Variants in CLVS1 observed in about 807,000 individuals in gnomAD.
CLVS1 encodes the protein clavesin 1.
In CLVS1, 10 loss-of-function variants were observed where a neutral mutation model predicts 33.1. That is an observed-to-expected ratio of 0.30 (90% CI 0.19 to 0.51). The LOEUF (loss-of-function observed/expected upper bound fraction) is 0.51. Ranked by LOEUF, CLVS1 falls within the 20% of genes least tolerant of loss-of-function variation. The probability of loss-of-function intolerance (pLI) is 0.97; values close to 1 mark genes in which losing one functional copy is unlikely to be tolerated. For missense variants in CLVS1, 343 were observed against 433.4 expected (o/e 0.79, Z 1.85); for synonymous variants, 163 against 166.1 (o/e 0.98, Z 0.14).
At chr8:61,163,863 C>T (rs1266402428) in intron 2 of CLVS1, among the ~76,000 whole-genome samples, 2 of 152,164 alleles carry the variant, frequency 1.3e-5, no homozygotes, top group East Asian at 1.9e-4. Context: ...AAGTCAATGG[C>T]GTGTCTGCCA....
rs1406308931 is a variant in CLVS1, at chr8:61,441,779, A to T, written c.631-12362A>T. 2.0e-5 allele frequency among the ~76,000 whole-genome samples: 3 copies of T among 152,176 alleles called. No individual in the cohort carries two copies. The South Asian group carries it at 6.2e-4, about 32-fold the overall frequency. The stretch of plus-strand genomic sequence containing the variant: ...AACAAGGCAGTTGAGTGATGCTTGT[A>T]TAGTGCCAGTGTGAAAATGAAGTAC... On this transcript the variant is annotated intron_variant, in intron 3 of 5. Coordinates refer to ENST00000325897, the MANE Select transcript of CLVS1 (RefSeq NM_173519.3).
At chr8:61,098,402 G>GATAT (rs59671943) in intron 1 of CLVS1, among the ~76,000 whole-genome samples, 3,935 of 143,888 alleles carry the variant, frequency 0.027, 84 homozygotes, top group East Asian at 0.06. Flanking sequence ...TAGGGAAACT[G>GATAT]ATATATATAT....
chr8:61,346,453 G>A (rs1812222681), intron 2 of CLVS1, among the ~76,000 whole-genome samples: 2 of 151,928 alleles, frequency 1.3e-5, no homozygotes, highest in Non-Finnish European at 2.9e-5. Context: ...AGTCTTCTGG[G>A]GACCCTTAAA....
At chr8:61,283,540 T>G (rs974650706), upstream of CLVS1, among the ~76,000 whole-genome samples, 1 of 152,208 alleles carries the variant, frequency 6.6e-6, no homozygotes, top group African/African-American at 2.4e-5. Flanking sequence ...ATGAGTAGAA[T>G]GATGTACACC....
intron 5 of CLVS1, chr8:61,465,356 T>C (rs924186845): frequency 1.3e-5 from 2 of 152,168 alleles, no homozygotes; most frequent in African/African-American, 4.8e-5. Context: ...TCCAAAGCAC[T>C]CTCGACCCAT....
At chr8:61,422,916 A>G (rs1369619205) in intron 3 of CLVS1, among the ~76,000 whole-genome samples, 1 of 152,126 alleles carries the variant, frequency 6.6e-6, no homozygotes, top group Non-Finnish European at 1.5e-5. Context: ...AAAAGAAAAG[A>G]GATAAGCCCC....
At chr8:61,462,607 A>G (rs1418487426) in intron 5 of CLVS1, among the ~76,000 whole-genome samples, 1 of 152,228 alleles carries the variant, frequency 6.6e-6, no homozygotes, top group Non-Finnish European at 1.5e-5. Context: ...CTCCTTGTAC[A>G]TATCCACCAG....
In CLVS1 at chr8:61,123,553, A is replaced by T. The variant is rs183758858; in HGVS notation, c.-242-8217A>T. Among the ~76,000 whole-genome samples, 379 of 152,244 alleles carry T rather than the reference A, an allele frequency of 2.5e-3. 2 individuals carry two copies. The highest frequency in any genetic ancestry group is 0.023 in the South Asian group (109 of 4,820). On this transcript the variant is annotated intron_variant, in intron 1 of 2. Transcript: ENST00000522621. Reference sequence around the variant, plus strand: ...TTTTGGAGAAAATTTTAAAATCCTAATTTTTTCCCCAAGGTTTCAAAATAA... The same window carrying T: ...TTTTGGAGAAAATTTTAAAATCCTATTTTTTTCCCCAAGGTTTCAAAATAA...
At chr8:61,123,703 A>G (rs1805919662) in intron 1 of CLVS1, among the ~76,000 whole-genome samples, 1 of 152,170 alleles carries the variant, frequency 6.6e-6, no homozygotes. Context: ...TGTACATTTC[A>G]GGTCAGTCGG....
At chr8:61,456,643 G>T (rs965814114) in intron 4 of CLVS1, among the ~76,000 whole-genome samples, 1 of 152,066 alleles carries the variant, frequency 6.6e-6, no homozygotes, top group African/African-American at 2.4e-5. Context: ...TAGGCTGGGC[G>T]CGGTGGCTCA....
At chr8:61,074,417 ATGTG>A (rs1216260773) in intron 1 of CLVS1, among the ~76,000 whole-genome samples, 1 of 140,986 alleles carries the variant, frequency 7.1e-6, no homozygotes, top group African/African-American at 2.8e-5. Flanking sequence ...ATATAAGTAT[ATGTG>A]TATATATATA....
intron 1 of CLVS1, among the ~76,000 whole-genome samples, chr8:61,107,623 G>C (rs1170653687): frequency 6.6e-6 from 1 of 152,204 alleles, no homozygotes; most frequent in Non-Finnish European, 1.5e-5. Flanking sequence ...AATTTTGGGA[G>C]GACAAACATT....
At chr8:61,065,778 C>T (rs1004759645) in intron 1 of CLVS1, among the ~76,000 whole-genome samples, 7 of 152,238 alleles carry the variant, frequency 4.6e-5, no homozygotes, top group African/African-American at 1.7e-4. Flanking sequence ...ATAAGGCAGT[C>T]TAGTTAGATT....
At chr8:61,028,344 A>G in the CLVS1 span, among the ~76,000 whole-genome samples, 5 of 152,374 alleles carry the variant, frequency 3.3e-5, no homozygotes, top group East Asian at 5.8e-4. Context: ...CACTTTAAAG[A>G]TAGATTAATT....
chr8:61,460,898 C>A (rs1287152232), intron 5 of CLVS1, among the ~76,000 whole-genome samples: 3 of 152,228 alleles, frequency 2.0e-5, no homozygotes, highest in African/African-American at 7.2e-5. Context: ...TATTACAGTT[C>A]TTCAAAGAAA....
At chr8:61,218,637 A>T (rs1327317617) in intron 2 of CLVS1, among the ~76,000 whole-genome samples, 10 of 40,170 alleles carry the variant, frequency 2.5e-4, no homozygotes, top group African/African-American at 5.0e-4. Flanking sequence ...ATATGTCAAT[A>T]AAAAAAAAAC....
At chr8:61,194,650 CAG>C (rs1302623888) in intron 2 of CLVS1, among the ~76,000 whole-genome samples, 5 of 151,548 alleles carry the variant, frequency 3.3e-5, no homozygotes, top group African/African-American at 1.2e-4. Context: ...ATGGGAAAGT[CAG>C]AAAAATTAGT....
At chr8:61,256,773 G>C (rs1449585521) in intron 2 of CLVS1, among the ~76,000 whole-genome samples, 1 of 152,200 alleles carries the variant, frequency 6.6e-6, no homozygotes, top group Non-Finnish European at 1.5e-5. Context: ...TTGCTTATGA[G>C]AATTGTGAGG....
At chr8:61,464,088 CAAAAA>C (rs34442006) in intron 5 of CLVS1, among the ~76,000 whole-genome samples, 1 of 117,908 alleles carries the variant, frequency 8.5e-6, no homozygotes. Flanking sequence ...GACTCTGTCT[CAAAAA>C]AAAAAAAAAA....
Sources: allele counts gnomAD v4.1 joint callset (sites outside exome capture counted in the v4.1 genomes callset), GRCh38; gene constraint gnomAD v4.1.1; transcripts MANE v1.5; gene names NCBI Gene and HGNC (gene_info 2026-07-23, HGNC 2026-07-21).